Variants in DGKB observed in about 807,000 individuals in gnomAD.
DGKB encodes diacylglycerol kinase beta.
Under a neutral mutation model 114.3 loss-of-function variants are expected in DGKB, and 67 were observed. That is an observed-to-expected ratio of 0.59 (90% CI 0.48 to 0.72). The LOEUF (loss-of-function observed/expected upper bound fraction) is 0.72, where lower values mean the gene tolerates loss of function less well. DGKB is among the 30% of genes least tolerant of loss of function. The pLI is 0.00. For synonymous variants in DGKB, 398 were observed against 323.1 expected (o/e 1.23, Z -2.49); for missense variants, 907 against 975.2 (o/e 0.93, Z 0.93).
At chr7:14,344,107 G>C (rs552797079) in intron 22 of DGKB, among the ~76,000 whole-genome samples, 1 of 150,124 alleles carries the variant, frequency 6.7e-6, no homozygotes, top group East Asian at 1.9e-4. Flanking sequence ...ACAGTTATTT[G>C]TGTGCATATA....
intron 14 of DGKB, among the ~76,000 whole-genome samples, chr7:14,627,610 T>G (rs1304761763): frequency 6.8e-6 from 1 of 147,000 alleles, no homozygotes; most frequent in Admixed American, 6.7e-5. Context: ...GTGTGTGTAG[T>G]ATACATACAC....
chr7:14,656,103 C>T (rs1333490500), intron 13 of DGKB, among the ~76,000 whole-genome samples: 1 of 151,492 alleles, frequency 6.6e-6, no homozygotes, highest in East Asian at 1.9e-4. Flanking sequence ...TTAATCACTG[C>T]ATATTTCATA....
chr7:14,888,559 C>A (rs1429808293), intron 1 of DGKB, among the ~76,000 whole-genome samples: 1 of 151,704 alleles, frequency 6.6e-6, no homozygotes, highest in African/African-American at 2.4e-5. Flanking sequence ...TGATATCCCC[C>A]TTACTTATTT....
At chr7:14,199,430 A>G (rs954485700) in intron 23 of DGKB, among the ~76,000 whole-genome samples, 2 of 152,004 alleles carry the variant, frequency 1.3e-5, no homozygotes, top group Non-Finnish European at 2.9e-5. Flanking sequence ...ATTAGGCTGG[A>G]CACCTCCGGA....
chr7:14,843,680 T>G (rs1258817537), intron 1 of DGKB, among the ~76,000 whole-genome samples: 1 of 152,244 alleles, frequency 6.6e-6, no homozygotes, highest in African/African-American at 2.4e-5. Flanking sequence ...GAATAAGTTT[T>G]TAATTGCCAA....
At chr7:14,936,875 A>T (rs1452352234) in intron 1 of DGKB, among the ~76,000 whole-genome samples, 1 of 152,072 alleles carries the variant, frequency 6.6e-6, no homozygotes, top group Non-Finnish European at 1.5e-5. Flanking sequence ...CAGTGGTGAC[A>T]CTTGGAGGGG....
At chr7:14,215,008 G>A (rs551098808) in intron 23 of DGKB, among the ~76,000 whole-genome samples, 21 of 152,224 alleles carry the variant, frequency 1.4e-4, no homozygotes, top group Admixed American at 8.5e-4. Flanking sequence ...TGAAGTGAAA[G>A]TCCAAGAAGT....
chr7:14,694,197 G>A lies in DGKB; in HGVS notation c.592-3C>T. 6.4e-7 allele frequency: 1 copy of A among 1,560,198 alleles called. No individual in the cohort carries two copies. ...TCTTCCATCATTTCATGGAGGATCTGGAGTAGAGGAGATAAGGGAAAATTG... is the reference window on the plus strand; with the variant it reads ...TCTTCCATCATTTCATGGAGGATCTAGAGTAGAGGAGATAAGGGAAAATTG... On this transcript the variant is annotated splice_region_variant and splice_polypyrimidine_tract_variant and intron_variant, in intron 8 of 25. Transcript: ENST00000402815.
chr7:14,157,794 G>A (rs1783243327), intron 25 of DGKB, among the ~76,000 whole-genome samples: 1 of 152,102 alleles, frequency 6.6e-6, no homozygotes, highest in South Asian at 2.1e-4. Flanking sequence ...ACCAGTAACT[G>A]TTCATCTTTT....
At chr7:14,728,106 T>G (rs1040930414) in intron 5 of DGKB, among the ~76,000 whole-genome samples, 16 of 152,204 alleles carry the variant, frequency 1.1e-4, no homozygotes, top group African/African-American at 3.4e-4. Context: ...TATAGCTTAT[T>G]GATATGTGTA....
chr7:14,374,215 G>T (rs1233245742), intron 21 of DGKB, among the ~76,000 whole-genome samples: 1 of 152,130 alleles, frequency 6.6e-6, no homozygotes. Flanking sequence ...CTACAAAGCA[G>T]TGGATACTAA....
chr7:14,583,542 A>T (rs1415709541), intron 17 of DGKB, among the ~76,000 whole-genome samples: 2 of 152,214 alleles, frequency 1.3e-5, no homozygotes, highest in Non-Finnish European at 2.9e-5. Context: ...GAGTGAATAT[A>T]TAAATGTGAC....
chr7:14,728,404 C>T (rs945417105), intron 5 of DGKB, among the ~76,000 whole-genome samples: 4 of 152,162 alleles, frequency 2.6e-5, no homozygotes, highest in African/African-American at 9.7e-5. Flanking sequence ...CTGGCCTTGG[C>T]TACCTCTCTC....
At chr7:14,281,211 C>T (rs1186325264) in intron 23 of DGKB, among the ~76,000 whole-genome samples, 1 of 151,694 alleles carries the variant, frequency 6.6e-6, no homozygotes, top group Non-Finnish European at 1.5e-5. Context: ...GGTTGCAATC[C>T]TAGTCTCTGA....
intron 21 of DGKB, among the ~76,000 whole-genome samples, chr7:14,431,892 A>G (rs1379157072): frequency 6.6e-6 from 1 of 152,124 alleles, no homozygotes; most frequent in Non-Finnish European, 1.5e-5. Flanking sequence ...ATGGTATAAG[A>G]GATCATGTCC....
intron 20 of DGKB, among the ~76,000 whole-genome samples, chr7:14,544,363 T>A (rs1177318436): frequency 6.6e-6 from 1 of 152,204 alleles, no homozygotes; most frequent in Non-Finnish European, 1.5e-5. Flanking sequence ...TAGTGGTTTG[T>A]ATTAGCCTTG....
intron 21 of DGKB, among the ~76,000 whole-genome samples, chr7:14,351,593 TA>T (rs1406459122): frequency 3.3e-5 from 5 of 152,230 alleles, no homozygotes; most frequent in African/African-American, 1.2e-4. Flanking sequence ...ATCAGCAATT[TA>T]TTTTTTTTTG....
chr7:14,462,989 G>T (rs1156587175), intron 21 of DGKB, among the ~76,000 whole-genome samples: 1 of 152,050 alleles, frequency 6.6e-6, no homozygotes, highest in Non-Finnish European at 1.5e-5. Flanking sequence ...CAAGCAATGG[G>T]GAAAGGATTC....
At chr7:14,175,142 G>C (rs1226719846) in intron 25 of DGKB, among the ~76,000 whole-genome samples, 1 of 152,182 alleles carries the variant, frequency 6.6e-6, no homozygotes, top group Admixed American at 6.5e-5. Context: ...TAATTAAAGA[G>C]TCTTGGATTT....
Sources: gnomAD v4.1 joint callset for allele counts (sites outside exome capture counted in the v4.1 genomes callset) on GRCh38, gnomAD v4.1.1 for gene constraint, MANE v1.5 for transcripts, NCBI Gene and HGNC (gene_info 2026-07-23, HGNC 2026-07-21) for gene names.